The following PTPRD variants were observed in gnomAD, a reference collection of about 807,000 sequenced individuals.
The protein encoded by PTPRD is receptor-type tyrosine-protein phosphatase delta.
PTPRD carries 34 observed loss-of-function variants against 214.5 expected under a neutral mutation model. The observed-to-expected ratio is 0.16, with a 90% confidence interval of 0.12 to 0.21. The LOEUF (loss-of-function observed/expected upper bound fraction) is 0.21, where lower values mean the gene tolerates loss of function less well. PTPRD is among the 10% of genes least tolerant of loss of function. The probability of loss-of-function intolerance (pLI) is 1.00; values close to 1 mark genes in which losing one functional copy is unlikely to be tolerated. For missense variants in PTPRD, 2,545 were observed against 2,398.7 expected, an observed-to-expected ratio of 1.06 and a Z score of -1.27; for synonymous variants, 1,128 against 845.7, an observed-to-expected ratio of 1.33 and a Z score of -5.79.
chr9:10,167,121 CTT>C (rs141695954), intron 3 of PTPRD, among the ~76,000 whole-genome samples: 1 of 147,012 alleles, frequency 6.8e-6, no homozygotes. Flanking sequence ...AAAAGTAGAC[CTT>C]TTTTTTTTTT....
intron 10 of PTPRD, among the ~76,000 whole-genome samples, chr9:9,063,672 C>A (rs1243534689): frequency 6.6e-6 from 1 of 152,100 alleles, no homozygotes; most frequent in African/African-American, 2.4e-5. Flanking sequence ...AAACCAAATG[C>A]ATATCAAAAC....
chr9:9,269,793 C>A (rs1186522085), intron 9 of PTPRD, among the ~76,000 whole-genome samples: 1 of 150,964 alleles, frequency 6.6e-6, no homozygotes, highest in African/African-American at 2.4e-5. Flanking sequence ...CTTATACATG[C>A]AATCTAAAAA....
intron 36 of PTPRD, among the ~76,000 whole-genome samples, chr9:8,397,616 T>C (rs2091497368): frequency 6.6e-6 from 1 of 152,170 alleles, no homozygotes; most frequent in Non-Finnish European, 1.5e-5. Flanking sequence ...AATGAATTGC[T>C]ATAGACTTAC....
chr9:8,983,116 T>A (rs1158983841), intron 11 of PTPRD, among the ~76,000 whole-genome samples: 1 of 152,100 alleles, frequency 6.6e-6, no homozygotes, highest in African/African-American at 2.4e-5. Flanking sequence ...TCTGTTTTCA[T>A]CATGAGTTAT....
chr9:8,791,371 G>A (rs2096228569), intron 11 of PTPRD, among the ~76,000 whole-genome samples: 2 of 151,632 alleles, frequency 1.3e-5, no homozygotes, highest in African/African-American at 4.8e-5. Context: ...GATTACAGGC[G>A]CACACCATCA....
chr9:8,980,791 CA>C (rs1388229077), intron 11 of PTPRD, among the ~76,000 whole-genome samples: 6 of 152,098 alleles, frequency 3.9e-5, no homozygotes, highest in Non-Finnish European at 4.4e-5. Context: ...AGCTATTTCT[CA>C]AAGCCAATCC....
intron 9 of PTPRD, among the ~76,000 whole-genome samples, chr9:9,360,380 T>C (rs1363993752): frequency 1.3e-5 from 2 of 151,266 alleles, no homozygotes; most frequent in Non-Finnish European, 3.0e-5. Flanking sequence ...GCTTTTACCT[T>C]AGACTTAGGC....
At chr9:10,274,250 TTTGTATGTGACA>T (rs2094562355) in intron 3 of PTPRD, among the ~76,000 whole-genome samples, 1 of 152,136 alleles carries the variant, frequency 6.6e-6, no homozygotes, top group African/African-American at 2.4e-5. Context: ...ATTAATAACT[TTTGTATGTGACA>T]TTGGGGAGAA....
intron 11 of PTPRD, chr9:8,963,132 A>T (rs1008327048): frequency 2.2e-4 from 34 of 152,276 alleles, no homozygotes; most frequent in Middle Eastern, 3.4e-3. Context: ...TAGAAGCTAG[A>T]CATAGGAAAT....
chr9:10,017,747 C>G (rs114232938), intron 4 of PTPRD, among the ~76,000 whole-genome samples: 4,182 of 152,132 alleles, frequency 0.027, 76 homozygotes, highest in Middle Eastern at 0.095. Flanking sequence ...TATTACTAAA[C>G]CAATGACACA....
intron 7 of PTPRD, among the ~76,000 whole-genome samples, chr9:9,634,980 T>G (rs2095711517): frequency 6.6e-6 from 1 of 152,140 alleles, no homozygotes; most frequent in African/African-American, 2.4e-5. Context: ...AATAAGGATA[T>G]GTGAAACACA....
At chr9:9,348,305 T>C (rs1428250828) in intron 9 of PTPRD, among the ~76,000 whole-genome samples, 1 of 152,134 alleles carries the variant, frequency 6.6e-6, no homozygotes, top group Non-Finnish European at 1.5e-5. Context: ...CTGAAAGTTG[T>C]GACTAGAAAA....
intron 2 of PTPRD, among the ~76,000 whole-genome samples, chr9:10,442,872 C>G (rs865971772): frequency 6.6e-6 from 1 of 151,432 alleles, no homozygotes; most frequent in Non-Finnish European, 1.5e-5. Flanking sequence ...GGCAGCCACC[C>G]TATCATGTTT....
chr9:8,900,605 A>G lies in PTPRD; in HGVS notation c.-104+118092T>C, dbSNP rs111615585. 3.7e-3 allele frequency among the ~76,000 whole-genome samples: 566 copies of G among 152,310 alleles called. 4 individuals carry two copies. The highest frequency in any genetic ancestry group is 0.013 in the African/African-American group (527 of 41,568). On this transcript the variant is annotated intron_variant, in intron 11 of 45. Transcript: ENST00000381196. The stretch of plus-strand genomic sequence containing the variant: ...TCCACCAATTTTCCTTTTGGATTAC[A>G]TTGATATATTTAAGTAGGTTGGGGA...
chr9:9,959,987 G>A (rs1368591417), intron 4 of PTPRD, among the ~76,000 whole-genome samples: 2 of 151,940 alleles, frequency 1.3e-5, no homozygotes, highest in African/African-American at 4.8e-5. Flanking sequence ...CTGCCTAGAG[G>A]GCCTAGAAGA....
At chr9:10,294,923 A>C (rs1028563307) in intron 3 of PTPRD, among the ~76,000 whole-genome samples, 3 of 152,028 alleles carry the variant, frequency 2.0e-5, no homozygotes, top group Non-Finnish European at 4.4e-5. Flanking sequence ...ATGGTTTGAC[A>C]TCCATTTGTT....
chr9:9,515,069 T>C (rs1225708500), intron 8 of PTPRD, among the ~76,000 whole-genome samples: 7 of 152,094 alleles, frequency 4.6e-5, no homozygotes, highest in African/African-American at 1.7e-4. Flanking sequence ...AAGTCCAACC[T>C]GGTTTCTCTC....
intron 6 of PTPRD, among the ~76,000 whole-genome samples, chr9:9,760,807 T>C (rs1435379760): frequency 6.6e-6 from 1 of 152,108 alleles, no homozygotes. Context: ...TCAACATCAA[T>C]AGCCATTAGA....
chr9:10,300,829 T>C (rs1050270930), intron 3 of PTPRD, among the ~76,000 whole-genome samples: 1 of 152,046 alleles, frequency 6.6e-6, no homozygotes, highest in Non-Finnish European at 1.5e-5. Context: ...GGGGCGGCTG[T>C]GGGTGCAGCT....
Sources: allele counts gnomAD v4.1 joint callset (sites outside exome capture counted in the v4.1 genomes callset), GRCh38; gene constraint gnomAD v4.1.1; transcripts MANE v1.5; gene names NCBI Gene and HGNC (gene_info 2026-07-23, HGNC 2026-07-21).